The following PFKFB3 variants were observed in gnomAD, a reference collection of about 807,000 sequenced individuals.
PFKFB3 encodes 6-phosphofructo-2-kinase/fructose-2,6-biphosphatase 3, also known as 6-phosphofructo-2-kinase/fructose-2,6-bisphosphatase 3.
A neutral mutation model predicts 68.0 loss-of-function variants in PFKFB3; 33 were observed. The ratio of observed to expected loss-of-function variants is 0.49; its 90% confidence interval spans 0.37 to 0.65. The LOEUF (loss-of-function observed/expected upper bound fraction) is 0.65, where lower values mean the gene tolerates loss of function less well. PFKFB3 is among the 30% of genes least tolerant of loss of function. The pLI, the probability that PFKFB3 is intolerant of heterozygous loss-of-function variation, is 0.00. For missense variants in PFKFB3, 586 were observed against 712.2 expected, an observed-to-expected ratio of 0.82 and a Z score of 2.02; for synonymous variants, 315 against 288.2, an observed-to-expected ratio of 1.09 and a Z score of -0.94.
the PFKFB3 span, chr10:6,293,053 A>T: frequency 2.7e-6 from 1 of 377,168 alleles, no homozygotes; most frequent in Non-Finnish European, 5.2e-6. Flanking sequence ...TTGCCAAAGA[A>T]GGAAACGGAG....
At chr10:6,239,840 A>G (rs951740950), downstream of PFKFB3, among the ~76,000 whole-genome samples, 1 of 151,922 alleles carries the variant, frequency 6.6e-6, no homozygotes, top group Non-Finnish European at 1.5e-5. Context: ...CGCCTGGCTA[A>G]TGTTTGTATT....
In PFKFB3 at chr10:6,220,920, T is replaced by A; in HGVS notation, c.831+55T>A. 6.6e-7 allele frequency: 1 copy of A among 1,519,008 alleles called. No individual in the cohort carries two copies. Among genetic ancestry groups the A allele is most frequent in the Non-Finnish European group, 9.1e-7 (1 of 1,104,850 alleles). 94.1% of individuals were successfully genotyped at this position (1,519,008 alleles called of 1,614,324 possible). A position where few individuals can be genotyped will look rare whatever the true frequency, so the allele number is the denominator to read the frequency against. ...CTGGCTGTAGGGCGGTTGCAGGGTC[T>A]ATAGGGTGGGTGGGGAGCTGTGTGC... On this transcript the variant is annotated intron_variant, in intron 8 of 14. Transcript: ENST00000379775. This position sits in a 1 kb window ranked among gnomAD's most constrained non-coding sequence, Gnocchi z 4.1.
At chr10:6,157,844 A>G (rs1360070254) in intron 1 of PFKFB3, among the ~76,000 whole-genome samples, 1 of 152,164 alleles carries the variant, frequency 6.6e-6, no homozygotes, top group Admixed American at 6.5e-5. Context: ...AGTAATATGT[A>G]ACACATGGCC....
chr10:6,232,770 A>G (rs1845824204), intron 14 of PFKFB3, 125 bp from the exon 15 acceptor site: 3 of 781,112 alleles, frequency 3.8e-6, no homozygotes, highest in South Asian at 3.1e-5. Context: ...TTCTTGGATC[A>G]TGTTCTTTGT....
intron 1 of PFKFB3, among the ~76,000 whole-genome samples, chr10:6,183,747 G>A (rs1842789280): frequency 6.6e-6 from 1 of 150,400 alleles, no homozygotes. Flanking sequence ...GAGTGCAGTG[G>A]CGTGATCTCG....
At chr10:6,195,714 G>T (rs1017113340) in intron 1 of PFKFB3, among the ~76,000 whole-genome samples, 1 of 152,246 alleles carries the variant, frequency 6.6e-6, no homozygotes, top group Non-Finnish European at 1.5e-5. Context: ...TCTCTTGGGG[G>T]AGAAGGTAGG....
At chr10:6,272,188 T>A in the PFKFB3 span, among the ~76,000 whole-genome samples, 1 of 152,138 alleles carries the variant, frequency 6.6e-6, no homozygotes, top group Non-Finnish European at 1.5e-5. Context: ...AACTGTCTAG[T>A]TTGGTGAATG....
At chr10:6,213,542 A>G in intron 1 of PFKFB3, 81 bp from the exon 2 acceptor site, 3 of 1,467,948 alleles carry the variant, frequency 2.0e-6, no homozygotes. Context: ...GAAATTCTTC[A>G]GTGTTATTGT....
intron 1 of PFKFB3, among the ~76,000 whole-genome samples, chr10:6,175,287 C>T (rs1842430535): frequency 6.6e-6 from 1 of 152,226 alleles, no homozygotes; most frequent in Non-Finnish European, 1.5e-5. Flanking sequence ...GCTCCGTCCC[C>T]TCTCTTCTTT....
intron 1 of PFKFB3, among the ~76,000 whole-genome samples, chr10:6,206,832 C>T (rs779404389): frequency 0.063 from 968 of 15,288 alleles, 114 homozygotes; most frequent in Non-Finnish European, 0.087. Context: ...CTCCTCACTT[C>T]CCAGACGGGG....
chr10:6,278,422 C>T, the PFKFB3 span, among the ~76,000 whole-genome samples: 1,523 of 151,716 alleles, frequency 0.01, 32 homozygotes, highest in African/African-American at 0.035. Flanking sequence ...ATTACAGGCA[C>T]GCACCACCAC....
chr10:6,303,264 G>A, the PFKFB3 span, among the ~76,000 whole-genome samples: 140,860 of 152,234 alleles, frequency 0.93, 66,156 homozygotes, highest in East Asian at 1. Flanking sequence ...CCTAATGCAA[G>A]AACAAACAAG....
the PFKFB3 span, among the ~76,000 whole-genome samples, chr10:6,286,939 T>C: frequency 6.6e-6 from 1 of 152,238 alleles, no homozygotes; most frequent in South Asian, 2.1e-4. Flanking sequence ...ATTTGCAATA[T>C]ACATTTACAA....
At chr10:6,262,000 A>G in the PFKFB3 span, among the ~76,000 whole-genome samples, 3 of 132,376 alleles carry the variant, frequency 2.3e-5, no homozygotes, top group Admixed American at 8.0e-5. Context: ...CTGTCTCAAA[A>G]ACAAAACAAA....
rs775535420 is a variant in PFKFB3, at chr10:6,213,734, G to A, written c.188G>A (p.Gly63Asp). ...KKLTRYLNWIGVPTKVFNVGE... is the reference protein window; with the variant it reads ...KKLTRYLNWIDVPTKVFNVGE... ...CTGACTCGCTACCTCAACTGGATTG[G>A]CGTCCCCACAAAAGGTGAGACTGGG... The change falls in exon 2 of 15, where the codon GGC (glycine) becomes GAC (aspartate). Residue 63 changes from glycine (G) to aspartate (D), a missense_variant. Coordinates refer to ENST00000379775, the MANE Select transcript of PFKFB3 (RefSeq NM_004566.4). The A allele has an allele frequency of 6.2e-7, 1 of 1,612,770 alleles. No homozygotes were observed. Among genetic ancestry groups the A allele is most frequent in the Non-Finnish European group, 8.5e-7 (1 of 1,179,494 alleles).
chr10:6,291,694 G>C, the PFKFB3 span, among the ~76,000 whole-genome samples: 3 of 152,164 alleles, frequency 2.0e-5, no homozygotes, highest in African/African-American at 7.2e-5. Context: ...AAGCAGCTAT[G>C]CTATGCTATA....
the PFKFB3 span, among the ~76,000 whole-genome samples, chr10:6,289,048 G>T: frequency 1.3e-5 from 2 of 150,674 alleles, no homozygotes; most frequent in Non-Finnish European, 2.9e-5. Context: ...TTTTGATGGG[G>T]TTGTTTGTTT....
chr10:6,306,686 A>G, the PFKFB3 span, among the ~76,000 whole-genome samples: 1 of 152,232 alleles, frequency 6.6e-6, no homozygotes, highest in East Asian at 1.9e-4. Context: ...ATTCAACATA[A>G]TAACTATTCA....
downstream of PFKFB3, among the ~76,000 whole-genome samples, chr10:6,257,703 C>T (rs1276424883): frequency 1.3e-5 from 2 of 152,064 alleles, no homozygotes; most frequent in East Asian, 3.9e-4. Flanking sequence ...CCAGACACAC[C>T]CTGCGATGAG....
Sources: allele counts gnomAD v4.1 joint callset (sites outside exome capture counted in the v4.1 genomes callset), GRCh38; gene constraint gnomAD v4.1.1; non-coding constraint Gnocchi (gnomAD v3.1); transcripts MANE v1.5; gene names NCBI Gene and HGNC (gene_info 2026-07-23, HGNC 2026-07-21).